The following C1orf185 variants were observed in gnomAD, a reference collection of about 807,000 sequenced individuals.
C1orf185 encodes the protein chromosome 1 open reading frame 185.
Under a neutral mutation model 16.1 loss-of-function variants are expected in C1orf185, and 13 were observed. The ratio of observed to expected loss-of-function variants is 0.81; its 90% CI spans 0.53 to 1.28. C1orf185 has a LOEUF of 1.28. Among genes scored for constraint, C1orf185 ranks in the 50% most tolerant of loss-of-function variants. The pLI is 0.00. For missense variants in C1orf185, 220 were observed against 225.2 expected (o/e 0.98, Z 0.15); for synonymous variants, 80 against 76.9 (o/e 1.04, Z -0.21).
chr1:51,107,614 A>G (rs1244744338), intron 1 of C1orf185, among the ~76,000 whole-genome samples: 1 of 152,204 alleles, frequency 6.6e-6, no homozygotes, highest in East Asian at 1.9e-4. Flanking sequence ...ATACTGACAC[A>G]TATAGATCTA....
intron 1 of C1orf185, among the ~76,000 whole-genome samples, chr1:51,106,110 GAA>G (rs1646069611): frequency 1.3e-5 from 2 of 152,110 alleles, no homozygotes; most frequent in Admixed American, 6.6e-5. Context: ...TCTCAGAGGT[GAA>G]AGCTAAGTGG....
chr1:51,103,864 C>A (rs1646051392), intron 1 of C1orf185, among the ~76,000 whole-genome samples: 1 of 152,102 alleles, frequency 6.6e-6, no homozygotes. Flanking sequence ...ATAATATTAT[C>A]TTATTTATTG....
chr1:51,116,367 G>A (rs918419333), intron 2 of C1orf185, among the ~76,000 whole-genome samples: 12 of 148,566 alleles, frequency 8.1e-5, no homozygotes, highest in Admixed American at 2.0e-4. Context: ...AGGCTGGAGT[G>A]CAGTGGTGTG....
chr1:51,144,096 C>T (rs1646383803), intron 3 of C1orf185, among the ~76,000 whole-genome samples: 1 of 152,156 alleles, frequency 6.6e-6, no homozygotes, highest in Non-Finnish European at 1.5e-5. Flanking sequence ...TAAGAATGCC[C>T]ATTCGGCATT....
intron 3 of C1orf185, among the ~76,000 whole-genome samples, chr1:51,124,901 G>T (rs766932931): frequency 3.9e-5 from 6 of 152,178 alleles, no homozygotes; most frequent in Non-Finnish European, 7.3e-5. Flanking sequence ...AACAAGTCCT[G>T]CTGGCTTCCT....
downstream of C1orf185, among the ~76,000 whole-genome samples, chr1:51,148,414 C>A (rs531653523): frequency 1.3e-5 from 2 of 152,112 alleles, no homozygotes; most frequent in Admixed American, 6.6e-5. Flanking sequence ...TGAGCCACTG[C>A]GCCTGGCCAG....
At chr1:51,127,890 T>G (rs1175861670) in intron 3 of C1orf185, among the ~76,000 whole-genome samples, 2 of 146,706 alleles carry the variant, frequency 1.4e-5, no homozygotes, top group African/African-American at 5.0e-5. Context: ...TCTTTGTTTT[T>G]TTTTTTTTTT....
At chr1:51,103,556 C>T (rs1646048715) in intron 1 of C1orf185, among the ~76,000 whole-genome samples, 1 of 139,418 alleles carries the variant, frequency 7.2e-6, no homozygotes, top group Admixed American at 7.4e-5. Flanking sequence ...TTTTTTGAGA[C>T]TGAGTTTCAC....
downstream of C1orf185, among the ~76,000 whole-genome samples, chr1:51,149,711 G>A (rs1646420940): frequency 6.6e-6 from 1 of 151,996 alleles, no homozygotes; most frequent in East Asian, 1.9e-4. Context: ...CTACCATGTG[G>A]CTTAGGAAGG....
chr1:51,139,693 GTCTTAGATTT>G (rs1646350816), intron 3 of C1orf185, among the ~76,000 whole-genome samples: 1 of 152,108 alleles, frequency 6.6e-6, no homozygotes, highest in South Asian at 2.1e-4. Context: ...AGTTGCTATT[GTCTTAGATTT>G]TCATTCTTTC....
chr1:51,130,510 C>T lies in C1orf185; in HGVS notation c.258+11709C>T, dbSNP rs982736716. On this transcript the variant is annotated intron_variant, in intron 3 of 4. Coordinates refer to ENST00000371759, the MANE Select transcript of C1orf185 (RefSeq NM_001136508.2). ...AAATGCAGTTTCTAAGCATCCTTGCCGGCATTTGATACTATCTATATTGTT... is the reference window on the plus strand; with the variant it reads ...AAATGCAGTTTCTAAGCATCCTTGCTGGCATTTGATACTATCTATATTGTT... Among the ~76,000 whole-genome samples the T allele has an allele frequency of 6.9e-4, 105 of 151,958 alleles. 1 individual carries two copies. Among genetic ancestry groups the T allele is most frequent in the Non-Finnish European group, 2.6e-4 (18 of 67,980 alleles).
chr1:51,149,152 T>C (rs1003136143), downstream of C1orf185, among the ~76,000 whole-genome samples: 1 of 152,186 alleles, frequency 6.6e-6, no homozygotes. Context: ...TTTTTCTTTT[T>C]TTTCCTAAAC....
At chr1:51,137,003 A>G (rs1646330265) in intron 3 of C1orf185, among the ~76,000 whole-genome samples, 1 of 152,194 alleles carries the variant, frequency 6.6e-6, no homozygotes, top group African/African-American at 2.4e-5. Context: ...TTTGCAAACC[A>G]TGCATCTGAC....
chr1:51,127,087 A>T (rs1018202425), intron 3 of C1orf185, among the ~76,000 whole-genome samples: 1 of 152,136 alleles, frequency 6.6e-6, no homozygotes, highest in Non-Finnish European at 1.5e-5. Context: ...TACAATTTTT[A>T]AAATATTTTG....
intron 3 of C1orf185, among the ~76,000 whole-genome samples, chr1:51,132,989 T>A (rs1459865990): frequency 6.6e-6 from 1 of 152,136 alleles, no homozygotes; most frequent in African/African-American, 2.4e-5. Flanking sequence ...AGAAATAAGA[T>A]CCTTTTCAGA....
At chr1:51,121,034 T>A (rs1310272384) in intron 3 of C1orf185, among the ~76,000 whole-genome samples, 1 of 152,216 alleles carries the variant, frequency 6.6e-6, no homozygotes, top group Non-Finnish European at 1.5e-5. Context: ...TTTTGAAATA[T>A]GTGTACTTTG....
chr1:51,111,818 C>A (rs1436991821), intron 1 of C1orf185, among the ~76,000 whole-genome samples: 1 of 152,182 alleles, frequency 6.6e-6, no homozygotes, highest in East Asian at 1.9e-4. Context: ...CGGCGCCCTG[C>A]CCCTGGTTAA....
At chr1:51,134,076 T>A (rs1215459804) in intron 3 of C1orf185, among the ~76,000 whole-genome samples, 3 of 151,700 alleles carry the variant, frequency 2.0e-5, no homozygotes, top group East Asian at 3.9e-4. Context: ...AGCAAGACTC[T>A]GTCAAAAAAA....
At chr1:51,131,890 C>T (rs541526888) in intron 3 of C1orf185, among the ~76,000 whole-genome samples, 22 of 152,252 alleles carry the variant, frequency 1.4e-4, no homozygotes, top group Admixed American at 1.3e-4. Flanking sequence ...AAGAGCACCT[C>T]GGCGCCCCCA....
Sources: allele counts gnomAD v4.1 joint callset (sites outside exome capture counted in the v4.1 genomes callset), GRCh38; gene constraint gnomAD v4.1.1; transcripts MANE v1.5; gene names NCBI Gene and HGNC (gene_info 2026-07-23, HGNC 2026-07-21).